The following DNAH2 variants were observed in gnomAD, a reference collection of about 807,000 sequenced individuals.
DNAH2 encodes the protein axonemal beta dynein heavy chain 2.
A neutral mutation model predicts 523.5 loss-of-function variants in DNAH2; 323 were observed. That is an observed-to-expected ratio of 0.62 (90% CI 0.56 to 0.68). The LOEUF is 0.68. Among genes scored for constraint, DNAH2 ranks in the 30% least tolerant of loss-of-function variants. The pLI, the probability that DNAH2 is intolerant of heterozygous loss-of-function variation, is 0.00. For synonymous variants in DNAH2, 2,093 were observed against 2,177.4 expected (o/e 0.96, Z 1.08); for missense variants, 4,907 against 5,701.5 (o/e 0.86, Z 4.49).
chr17:7,823,367 G>T, intron 73 of DNAH2, 75 bp from the exon 74 acceptor site: 1 of 1,449,386 alleles, frequency 6.9e-7, no homozygotes, highest in African/African-American at 1.4e-5. Flanking sequence ...GAGAGAGAGA[G>T]AGAGGAGAAA....
chr17:7,787,616 G>C (rs765378289), intron 42 of DNAH2: 43 of 431,386 alleles, frequency 1.0e-4, no homozygotes, highest in Non-Finnish European at 1.5e-4. Flanking sequence ...TGCACCTGTA[G>C]TCCCAGGTAC....
At chr17:7,769,459 T>C (rs2076258536) in intron 24 of DNAH2, among the ~76,000 whole-genome samples, 1 of 152,166 alleles carries the variant, frequency 6.6e-6, no homozygotes, top group South Asian at 2.1e-4. Context: ...ACCGTGCCCG[T>C]CCCGCCTTAT....
At chr17:7,740,070 G>GGC (rs1555539877) in intron 9 of DNAH2, 132 bp downstream of exon 9, 2 of 726,944 alleles carry the variant, frequency 2.8e-6, no homozygotes, top group Non-Finnish European at 4.1e-6. Context: ...GTGGCCCGGG[G>GGC]GGGGGGACAG....
Position 7,765,448 on chromosome 17 carries a change from C to A in DNAH2, c.3394C>A (p.Leu1132Met). The A allele has an allele frequency of 6.2e-7, 1 of 1,614,222 alleles. No individual in the cohort carries two copies. The highest frequency in any genetic ancestry group is 8.5e-7 in the Non-Finnish European group (1 of 1,180,036). ...GTGGGTTGTCTTCCAACAAACTCTG[C>A]TGGACAGTAAGCAAATGCTGAAGAA... ...GEWVVFQQTL[L>M]DSKQMLKKHK... The change falls in exon 21 of 86, where the codon CTG becomes ATG. Residue 1132 changes from leucine (L) to methionine (M), a missense_variant. Physicochemically the swap from Leu to Met is conservative, Grantham distance 15. Around this residue, in one of 3 missense-constraint regions of DNAH2, gnomAD observed 2,806 missense variants for 3,190.8 expected, o/e 0.88. Coordinates refer to ENST00000572933, the MANE Select transcript of DNAH2 (RefSeq NM_020877.5).
chr17:7,770,902 T>C lies in DNAH2; in HGVS notation c.4331T>C (p.Leu1444Pro). The C allele has an allele frequency of 6.2e-7, 1 of 1,614,056 alleles. No individual in the cohort carries two copies. Among genetic ancestry groups the C allele is most frequent in the Non-Finnish European group, 8.5e-7 (1 of 1,180,034 alleles). Residue 1444 changes from leucine to proline, a missense_variant, in exon 27 of 86, where the codon CTC becomes CCC. Around this residue, in one of 3 missense-constraint regions of DNAH2, gnomAD observed 2,806 missense variants for 3,190.8 expected, o/e 0.88. Transcript: ENST00000572933. ...SLILEVIEMI[L>P]TVQRQWMYLE... ...ATTTTGGAGGTTATTGAGATGATTC[T>C]CACAGTGCAGCGTCAGTGGATGTAC...
In DNAH2 at chr17:7,799,668, T is replaced by C. The variant is rs560996367; in HGVS notation, c.8699+426T>C. Among the ~76,000 whole-genome samples the C allele has an allele frequency of 5.9e-5, 9 of 152,112 alleles. No individual in the cohort carries two copies. In the South Asian group the frequency reaches 1.9e-3, roughly 32 times the overall value. On this transcript the variant is annotated intron_variant, in intron 56 of 85. Coordinates refer to ENST00000572933, the MANE Select transcript of DNAH2 (RefSeq NM_020877.5). ...CGTCTCTACTAAAAATACAAAAAAT[T>C]AGCCAGGCATGGTGGCGGGGGCGCC...
rs770333394 is a variant in DNAH2, at chr17:7,763,640, G to A, written c.2979-191G>A. Among the ~76,000 whole-genome samples, 11 of 152,226 alleles carry A rather than the reference G, an allele frequency of 7.2e-5. 1 individual carries two copies. Among genetic ancestry groups the A allele is most frequent in the Admixed American group, 2.0e-4 (3 of 15,286 alleles). Reference sequence around the variant, plus strand: ...GACTGCTATCTTATAGCCAGTGACTGGGAAAATGACAGTCAGTCACAGCTG... The same window carrying A: ...GACTGCTATCTTATAGCCAGTGACTAGGAAAATGACAGTCAGTCACAGCTG... On this transcript the variant is annotated intron_variant, in intron 18 of 85. Coordinates refer to ENST00000572933, the MANE Select transcript of DNAH2 (RefSeq NM_020877.5).
chr17:7,764,100 C>T lies in DNAH2; in HGVS notation c.3180-17C>T. On this transcript the variant is annotated splice_polypyrimidine_tract_variant and intron_variant, in intron 19 of 85. Coordinates refer to ENST00000572933, the MANE Select transcript of DNAH2 (RefSeq NM_020877.5). ...CTGGGCCTTCCACTCACTAGCACTC[C>T]CTTTGCCCGCCTTCAGAATCAGCCG... 1 of 1,614,218 alleles carries T rather than the reference C, an allele frequency of 6.2e-7. No homozygotes were observed. The highest frequency in any genetic ancestry group is 8.5e-7 in the Non-Finnish European group (1 of 1,180,042).
chr17:7,757,433 C>T (rs1458795701), intron 13 of DNAH2, among the ~76,000 whole-genome samples, 196 bp downstream of exon 13: 1 of 152,004 alleles, frequency 6.6e-6, no homozygotes, highest in African/African-American at 2.4e-5. Context: ...TTTCTAGCTG[C>T]AGGGTGGAGA....
intron 44 of DNAH2, among the ~76,000 whole-genome samples, chr17:7,788,742 A>G (rs774300859): frequency 6.6e-6 from 1 of 152,222 alleles, no homozygotes; most frequent in Non-Finnish European, 1.5e-5. Context: ...TTGAGATTAA[A>G]TCACTGCCTA....
At chr17:7,769,983 A>G (rs1024245564) in intron 24 of DNAH2, among the ~76,000 whole-genome samples, 4 of 152,188 alleles carry the variant, frequency 2.6e-5, no homozygotes, top group African/African-American at 9.7e-5. Context: ...GCCTTTACTC[A>G]GTACAGTTCT....
chr17:7,806,906 G>A, intron 61 of DNAH2, among the ~76,000 whole-genome samples: 1 of 152,100 alleles, frequency 6.6e-6, no homozygotes. Flanking sequence ...AGGGTGGCTT[G>A]GCTGAGTGTT....
At chr17:7,735,605 A>T (rs2075119189) in intron 7 of DNAH2, among the ~76,000 whole-genome samples, 1 of 149,106 alleles carries the variant, frequency 6.7e-6, no homozygotes, top group South Asian at 2.1e-4. Flanking sequence ...TGCCCGGCTA[A>T]CTGTTGTATT....
At chr17:7,729,387 GAA>G (rs538804255) in intron 4 of DNAH2, among the ~76,000 whole-genome samples, 5 of 129,572 alleles carry the variant, frequency 3.9e-5, no homozygotes, top group Admixed American at 1.6e-4. Context: ...TCTCCAAAAA[GAA>G]AAAAAAAAAA....
intron 2 of DNAH2, among the ~76,000 whole-genome samples, chr17:7,723,070 C>T (rs1345685449): frequency 2.7e-5 from 4 of 148,214 alleles, no homozygotes; most frequent in South Asian, 2.2e-4. Flanking sequence ...CCCAGGTTCA[C>T]GCCATTCTCC....
rs1414636672 is a variant in DNAH2 at position 7,819,228 on chromosome 17, A to G, written c.10835A>G (p.Gln3612Arg). The G allele has an allele frequency of 6.2e-7, 1 of 1,613,872 alleles. No homozygotes were observed. The highest frequency in any genetic ancestry group is 2.2e-5 in the East Asian group (1 of 44,880). The change falls in exon 72 of 86, where the codon CAG becomes CGG. Residue 3612 changes from glutamine to arginine, a missense_variant. Gln to Arg is a conservative substitution (Grantham distance 43, BLOSUM62 1). Around this residue, in one of 3 missense-constraint regions of DNAH2, gnomAD observed 1,851 missense variants for 2,139.4 expected, o/e 0.87. Transcript: ENST00000572933. ...CGGCAGGCTTACCGCCCATGCGCCCAGCGGGCATCAATCCTGTTCTTCGTG... is the reference window on the plus strand; with the variant it reads ...CGGCAGGCTTACCGCCCATGCGCCCGGCGGGCATCAATCCTGTTCTTCGTG... ...LAREAYRPCA[Q>R]RASILFFVLN...
At chr17:7,779,453 G>T in intron 36 of DNAH2, 30 bp downstream of exon 36, 1 of 1,604,194 alleles carries the variant, frequency 6.2e-7, no homozygotes. Context: ...TGGGACTCCT[G>T]GGGTGGGAAG....
intron 12 of DNAH2, among the ~76,000 whole-genome samples, chr17:7,752,820 G>A (rs188795503): frequency 8.5e-5 from 13 of 152,298 alleles, no homozygotes; most frequent in Admixed American, 3.9e-4. Flanking sequence ...AGGAGTCCTA[G>A]AGCCTCTCCC....
intron 15 of DNAH2, 37 bp from the exon 16 acceptor site, chr17:7,759,385 C>T (rs960572731): frequency 1.9e-6 from 3 of 1,577,384 alleles, no homozygotes; most frequent in East Asian, 2.2e-5. Flanking sequence ...CCTGTCTTCC[C>T]TGAAAAGTTC....
Sources: allele counts gnomAD v4.1 joint callset (sites outside exome capture counted in the v4.1 genomes callset), GRCh38; gene constraint gnomAD v4.1.1; regional missense constraint gnomAD v4.1.1; transcripts MANE v1.5; gene names NCBI Gene and HGNC (gene_info 2026-07-23, HGNC 2026-07-21).